The following TIE1 variants were observed in gnomAD, a reference collection of about 807,000 sequenced individuals.
The protein encoded by TIE1 is tyrosine kinase with immunoglobulin like and EGF like domains 1, also known as tyrosine-protein kinase receptor Tie-1.
TIE1 carries 89 observed loss-of-function variants against 130.5 expected under a neutral mutation model. That is an observed-to-expected ratio of 0.68 (90% CI 0.57 to 0.81). The LOEUF (loss-of-function observed/expected upper bound fraction) is 0.81, where lower values mean the gene tolerates loss of function less well. TIE1 is among the 40% of genes least tolerant of loss of function. The pLI, the probability that TIE1 is intolerant of heterozygous loss-of-function variation, is 0.00. For missense variants in TIE1, 1,392 were observed against 1,559.8 expected (o/e 0.89, Z 1.81); for synonymous variants, 568 against 629.4 (o/e 0.90, Z 1.46).
intron 9 of TIE1, among the ~76,000 whole-genome samples, chr1:43,310,117 C>G (rs532103206): frequency 6.6e-6 from 1 of 152,266 alleles, no homozygotes; most frequent in East Asian, 1.9e-4. Flanking sequence ...CCCTGCCACC[C>G]CCTGACCCTG....
chr1:43,314,913 C>T (rs1324014744), intron 14 of TIE1, among the ~76,000 whole-genome samples: 2 of 152,202 alleles, frequency 1.3e-5, no homozygotes, highest in Non-Finnish European at 2.9e-5. Flanking sequence ...TTCTGTGGCC[C>T]TCAGACCGCT....
chr1:43,322,569 C>A lies in TIE1; in HGVS notation c.3346-82C>A. Reference sequence around the variant, plus strand: ...GAACAAATCAGTGTCAGTTCAAATGCCCCCACCACATGGAAGTCCAGGAGC... The same window carrying A: ...GAACAAATCAGTGTCAGTTCAAATGACCCCACCACATGGAAGTCCAGGAGC... On this transcript the variant is annotated intron_variant, in intron 22 of 22. Transcript: ENST00000372476. This position sits in a 1 kb window ranked among gnomAD's most constrained non-coding sequence, Gnocchi z 4.0. 2 of 1,001,526 alleles carry A rather than the reference C, an allele frequency of 2.0e-6. No homozygotes were observed. The highest frequency in any genetic ancestry group is 3.1e-6 in the Non-Finnish European group (2 of 639,932). 62.0% of individuals were successfully genotyped at this position (1,001,526 alleles called of 1,614,324 possible). A position where few individuals can be genotyped will look rare whatever the true frequency, so the allele number is the denominator to read the frequency against.
intron 3 of TIE1, among the ~76,000 whole-genome samples, chr1:43,305,626 G>A (rs1375758261): frequency 6.6e-6 from 1 of 152,196 alleles, no homozygotes; most frequent in Non-Finnish European, 1.5e-5. Context: ...CTCTCCCCTG[G>A]GAGTTAGCAG....
chr1:43,312,041 G>C lies in TIE1; in HGVS notation c.1540G>C (p.Gly514Arg), dbSNP rs754822483. ...GTTAATGAACCTGAGGCCAAAGACAGGATACAGTGTTCGTGTGCAGCTGAG... is the reference window on the plus strand; with the variant it reads ...GTTAATGAACCTGAGGCCAAAGACACGATACAGTGTTCGTGTGCAGCTGAG... Reference protein sequence around the residue: ...VTLMNLRPKTGYSVRVQLSRP... With the variant: ...VTLMNLRPKTRYSVRVQLSRP... The change falls in exon 11 of 23, where the codon GGA becomes CGA. Residue 514 changes from glycine to arginine, a missense_variant. This residue lies in a region of TIE1 where 551 missense variants were observed against 565.5 expected (regional missense o/e 0.97). Transcript: ENST00000372476. This position sits in a 1 kb window ranked among gnomAD's most constrained non-coding sequence, Gnocchi z 5.6. The C allele has an allele frequency of 1.9e-6, 3 of 1,608,110 alleles. No homozygotes were observed. Among genetic ancestry groups the C allele is most frequent in the Non-Finnish European group, 2.6e-6 (3 of 1,176,198 alleles).
rs1251080835 is a variant in TIE1 at position 43,306,857 on chromosome 1, C to G, written c.502C>G (p.Leu168Val). ...TCCCCCAGGATCCTACTTCTACACC[C>G]TGGACTGGCATGAAGCCCAGGATGG... ...WKSNGSYFYT[L>V]DWHEAQDGRF... Residue 168 changes from leucine to valine, a missense_variant, in exon 4 of 23, where the codon CTG becomes GTG. Physicochemically the swap from Leu to Val is conservative, Grantham distance 32. Around this residue, in one of 6 missense-constraint regions of TIE1, gnomAD observed 415 missense variants for 424.8 expected, o/e 0.98. Transcript: ENST00000372476. This position sits in a 1 kb window ranked among gnomAD's most constrained non-coding sequence, Gnocchi z 4.9. 1.9e-6 allele frequency: 3 copies of G among 1,613,030 alleles called. No individual in the cohort carries two copies. Among genetic ancestry groups the G allele is most frequent in the Non-Finnish European group, 2.5e-6 (3 of 1,179,608 alleles).
chr1:43,317,146 GC>G lies in TIE1; in HGVS notation c.2410-48del. ...CGTGTGCCTGTCTGTGCCTCCTTCC[GC>G]CCCCTTTGACTCTTGCGTGGACCGT... is the stretch of plus-strand genomic sequence containing the variant. On this transcript the variant is annotated intron_variant, in intron 14 of 22. Coordinates refer to ENST00000372476, the MANE Select transcript of TIE1 (RefSeq NM_005424.5). The surrounding 1 kb of genome is among the most constrained non-coding windows in gnomAD (Gnocchi z 5.1). 2 of 1,585,024 alleles carry G rather than the reference GC, an allele frequency of 1.3e-6. No homozygotes were observed. The highest frequency in any genetic ancestry group is 2.2e-5 in the East Asian group (1 of 44,730).
Position 43,319,402 on chromosome 1 carries a change from G to A in TIE1, c.3036+54G>A, listed in dbSNP as rs1251276076. 1.9e-6 allele frequency: 3 copies of A among 1,612,536 alleles called. No homozygotes were observed. The South Asian group carries it at 3.3e-5, about 18-fold the overall frequency. On this transcript the variant is annotated intron_variant, in intron 18 of 22. Coordinates refer to ENST00000372476, the MANE Select transcript of TIE1 (RefSeq NM_005424.5). The surrounding 1 kb of genome is among the most constrained non-coding windows in gnomAD (Gnocchi z 4.7). ...GGCTTGTGCCTGGCCCTGCCCCACA[G>A]GAGCCTCAAACAGGCCCTTCCTCCA...
chr1:43,319,831 T>G lies in TIE1; in HGVS notation c.3107+302T>G. ...GCTGGCGGATGCTTCCTGAGGTAGA[T>G]GGAGAGGCCACTCAGGAATTGCTCT... On this transcript the variant is annotated intron_variant, in intron 19 of 22. Transcript: ENST00000372476. This position sits in a 1 kb window ranked among gnomAD's most constrained non-coding sequence, Gnocchi z 4.7. 1 of 403,980 alleles carries G rather than the reference T, an allele frequency of 2.5e-6. No homozygotes were observed. The highest frequency in any genetic ancestry group is 4.6e-6 in the Non-Finnish European group (1 of 215,834). 25.0% of individuals were successfully genotyped at this position (403,980 alleles called of 1,614,324 possible).
chr1:43,319,094 C>T lies in TIE1; in HGVS notation c.2923-141C>T. ...CTGATCTTTCTCAGATATGAGTCAG[C>T]TGACGAGATTGCAGCCAGGAGGGTA... On this transcript the variant is annotated intron_variant, in intron 17 of 22. Coordinates refer to ENST00000372476, the MANE Select transcript of TIE1 (RefSeq NM_005424.5). This position sits in a 1 kb window ranked among gnomAD's most constrained non-coding sequence, Gnocchi z 4.7. 1.5e-6 allele frequency: 1 copy of T among 647,802 alleles called. No homozygotes were observed. Among genetic ancestry groups the T allele is most frequent in the Non-Finnish European group, 2.8e-6 (1 of 358,748 alleles). 40.1% of individuals were successfully genotyped at this position (647,802 alleles called of 1,614,324 possible). A position where few individuals can be genotyped will look rare whatever the true frequency, so the allele number is the denominator to read the frequency against.
In TIE1 at chr1:43,322,240, A is replaced by C. The variant is rs1646927585; in HGVS notation, c.3346-411A>C. Among the ~76,000 whole-genome samples, 1 of 152,266 alleles carries C rather than the reference A, an allele frequency of 6.6e-6. No individual in the cohort carries two copies. The highest frequency in any genetic ancestry group is 3.2e-3 in the Middle Eastern group (1 of 316). On this transcript the variant is annotated intron_variant, in intron 22 of 22. Coordinates refer to ENST00000372476, the MANE Select transcript of TIE1 (RefSeq NM_005424.5). This position sits in a 1 kb window ranked among gnomAD's most constrained non-coding sequence, Gnocchi z 4.0. ...ATCAAATAAATATAATGAAAAATAT[A>C]TCAAAATTAGTAAATATGAAGAGTT...
intron 19 of TIE1, chr1:43,320,372 A>C (rs1646901832): frequency 6.6e-6 from 1 of 152,252 alleles, no homozygotes; most frequent in African/African-American, 2.4e-5. Flanking sequence ...GGTTAAATGA[A>C]TTAACATGTC....
chr1:43,304,732 G>T (rs1312038412), intron 1 of TIE1, 119 bp from the exon 2 acceptor site: 12 of 1,110,048 alleles, frequency 1.1e-5, no homozygotes, highest in Non-Finnish European at 1.3e-5. Flanking sequence ...AGGGGTGAAG[G>T]TTGGAGACCC....
In TIE1 at chr1:43,307,225, G is replaced by A. The variant is rs772519187; in HGVS notation, c.724G>A (p.Gly242Ser). ...TGGAGGTGTCTGCCACGACCATGAC[G>A]GCGAATGTGTATGCCCCCCTGGCTT... Reference protein sequence around the residue: ...LHGGVCHDHDGECVCPPGFTG... With the variant: ...LHGGVCHDHDSECVCPPGFTG... The change falls in exon 5 of 23, where the codon GGC becomes AGC. Residue 242 changes from glycine (G) to serine (S), a missense_variant. Physicochemically the swap from Gly to Ser is moderately conservative, Grantham distance 56 (BLOSUM62 0). Transcript: ENST00000372476. This position sits in a 1 kb window ranked among gnomAD's most constrained non-coding sequence, Gnocchi z 5.4. The A allele has an allele frequency of 1.7e-5, 28 of 1,614,022 alleles. No homozygotes were observed. The highest frequency in any genetic ancestry group is 1.1e-4 in the East Asian group (5 of 44,888).
rs191640035 is a variant in TIE1 at position 43,307,224 on chromosome 1, C to T, written c.723C>T (p.Asp241=). Residue 241 remains aspartate, a synonymous_variant, in exon 5 of 23, where the codon GAC becomes GAT. Coordinates refer to ENST00000372476, the MANE Select transcript of TIE1 (RefSeq NM_005424.5). The surrounding 1 kb of genome is among the most constrained non-coding windows in gnomAD (Gnocchi z 5.4). The part of the protein sequence containing the change: ...CLHGGVCHDH[D]GECVCPPGFT... The stretch of plus-strand genomic sequence containing the variant: ...ATGGAGGTGTCTGCCACGACCATGA[C>T]GGCGAATGTGTATGCCCCCCTGGCT... 84 of 1,614,114 alleles carry T rather than the reference C, an allele frequency of 5.2e-5. No homozygotes were observed. Among genetic ancestry groups the T allele is most frequent in the South Asian group, 7.7e-5 (7 of 91,086 alleles).
intron 19 of TIE1, chr1:43,320,706 T>C (rs1208803236): frequency 6.6e-6 from 1 of 151,858 alleles, no homozygotes; most frequent in Non-Finnish European, 1.5e-5. Flanking sequence ...CAAAAAGAAA[T>C]TAGCCGGGCA....
intron 3 of TIE1, among the ~76,000 whole-genome samples, chr1:43,305,922 C>T (rs1265877074): frequency 6.6e-6 from 1 of 152,196 alleles, no homozygotes; most frequent in East Asian, 1.9e-4. Context: ...ATTCACAACC[C>T]CTTGGCTGAC....
At chr1:43,308,084 T>TC (rs1646749284) in intron 7 of TIE1, among the ~76,000 whole-genome samples, 160 bp downstream of exon 7, 1 of 151,622 alleles carries the variant, frequency 6.6e-6, no homozygotes, top group Non-Finnish European at 1.5e-5. Context: ...TGGCAGGGAG[T>TC]CAGTCTGGTA....
In TIE1 at chr1:43,312,652, C is replaced by G. The variant is rs1296896928; in HGVS notation, c.1927+51C>G. The G allele has an allele frequency of 5.2e-6, 8 of 1,547,236 alleles. No individual in the cohort carries two copies. The highest frequency in any genetic ancestry group is 6.1e-6 in the Non-Finnish European group (7 of 1,145,612). ...GGGGGTTGGGGGAGGACGTGGGACA[C>G]AGGGACACATGAGACCTAGGAGACA... On this transcript the variant is annotated intron_variant, in intron 12 of 22. Coordinates refer to ENST00000372476, the MANE Select transcript of TIE1 (RefSeq NM_005424.5). This position sits in a 1 kb window ranked among gnomAD's most constrained non-coding sequence, Gnocchi z 5.6.
intron 19 of TIE1, among the ~76,000 whole-genome samples, chr1:43,321,055 C>CAA (rs1237782969): frequency 2.5e-5 from 3 of 121,196 alleles, no homozygotes; most frequent in East Asian, 2.5e-4. Context: ...AAAAAAAAAA[C>CAA]AAAACAAAAG....
Sources: gnomAD v4.1 joint callset for allele counts (sites outside exome capture counted in the v4.1 genomes callset) on GRCh38, gnomAD v4.1.1 for gene constraint, gnomAD v4.1.1 regional missense constraint, Gnocchi (gnomAD v3.1) non-coding constraint, MANE v1.5 for transcripts, NCBI Gene and HGNC (gene_info 2026-07-23, HGNC 2026-07-21) for gene names.